COG2: variants seen among roughly 807,000 people sequenced by gnomAD.
The protein encoded by COG2 is conserved oligomeric Golgi complex subunit 2.
In COG2, 52 loss-of-function variants were observed where a neutral mutation model predicts 90.6. The ratio of observed to expected loss-of-function variants is 0.57; its 90% CI spans 0.46 to 0.72. The LOEUF (loss-of-function observed/expected upper bound fraction) is 0.72. COG2 is among the 30% of genes least tolerant of loss of function. The pLI is 0.00. For synonymous variants in COG2, 337 were observed against 320.4 expected (o/e 1.05, Z -0.55); for missense variants, 829 against 891.2 (o/e 0.93, Z 0.89).
At chr1:230,679,078 C>G in intron 10 of COG2, 26 bp downstream of exon 10, 1 of 1,594,802 alleles carries the variant, frequency 6.3e-7, no homozygotes, top group Non-Finnish European at 8.6e-7. Flanking sequence ...ACCGCCCCCG[C>G]CCCGCACCCT....
intron 2 of COG2, 105 bp downstream of exon 2, chr1:230,659,730 C>G: frequency 6.1e-6 from 7 of 1,156,188 alleles, no homozygotes; most frequent in Non-Finnish European, 8.4e-6. Flanking sequence ...TAGTTGATGT[C>G]CTCACAGAAA....
rs574620130 is a variant in COG2 at position 230,690,427 on chromosome 1, T to TG, written c.1934+275dup. 274 of 290,016 alleles carry TG rather than the reference T, an allele frequency of 9.4e-4. 3 individuals carry two copies. The highest frequency in any genetic ancestry group is 5.8e-3 in the African/African-American group (265 of 45,852). The allele number at this position is 290,016 out of a possible 1,614,324, so 18.0% of individuals were successfully genotyped here. ...ATCTCCAGGCCCTGCCTGCGTTCCCTGCAGGTGCCGTTCTCCCAGGTCCAG... is the reference window on the plus strand; with the variant it reads ...ATCTCCAGGCCCTGCCTGCGTTCCCTGGCAGGTGCCGTTCTCCCAGGTCCAG... On this transcript the variant is annotated intron_variant, in intron 16 of 17. Coordinates refer to ENST00000366669, the MANE Select transcript of COG2 (RefSeq NM_007357.3).
At chr1:230,669,256 C>A in intron 6 of COG2, 100 bp from the exon 7 acceptor site, 1 of 1,033,302 alleles carries the variant, frequency 9.7e-7, no homozygotes, top group Non-Finnish European at 1.4e-6. Flanking sequence ...TTATATATGT[C>A]ATTATCTGTT....
At chr1:230,667,843 G>C (rs112184546) in intron 5 of COG2, among the ~76,000 whole-genome samples, 172 of 152,248 alleles carry the variant, frequency 1.1e-3, no homozygotes, top group African/African-American at 4.0e-3. Flanking sequence ...GGATGCCTCA[G>C]TATACACAGC....
intron 1 of COG2, among the ~76,000 whole-genome samples, chr1:230,654,507 T>C (rs1429946346): frequency 6.6e-6 from 1 of 152,244 alleles, no homozygotes; most frequent in Admixed American, 6.5e-5. Context: ...ACTGTTTTGG[T>C]TACTGTAGCC....
chr1:230,668,607 G>A (rs575377568), intron 5 of COG2, 69 bp from the exon 6 acceptor site: 13 of 910,506 alleles, frequency 1.4e-5, no homozygotes, highest in Middle Eastern at 2.2e-4. Context: ...TCACTGCCAG[G>A]CGTGTGATGT....
At chr1:230,669,847 T>G (rs930078190) in intron 7 of COG2, 2 of 244,928 alleles carry the variant, frequency 8.2e-6, no homozygotes, top group Non-Finnish European at 1.6e-5. Context: ...CAGTAATTGT[T>G]AAAAGAATGT....
At chr1:230,662,737 T>C (rs537012183) in intron 3 of COG2, among the ~76,000 whole-genome samples, 313 of 152,342 alleles carry the variant, frequency 2.1e-3, no homozygotes, top group South Asian at 8.7e-3. Context: ...TCCTGAAATA[T>C]GTCATTACTG....
intron 1 of COG2, among the ~76,000 whole-genome samples, chr1:230,649,860 C>T (rs2102742097): frequency 6.6e-6 from 1 of 152,262 alleles, no homozygotes; most frequent in East Asian, 1.9e-4. Flanking sequence ...AATTTTTCAG[C>T]CCTCATCTTC....
chr1:230,644,210 C>T (rs1571937924), intron 1 of COG2, among the ~76,000 whole-genome samples: 1 of 152,270 alleles, frequency 6.6e-6, no homozygotes, highest in Non-Finnish European at 1.5e-5. Flanking sequence ...TTGCATATTT[C>T]GTGGCTCTGT....
At chr1:230,662,095 C>T (rs1571948739) in intron 3 of COG2, among the ~76,000 whole-genome samples, 1 of 152,100 alleles carries the variant, frequency 6.6e-6, no homozygotes, top group Admixed American at 6.5e-5. Context: ...TTCACTCTCC[C>T]GAATTCTGCT....
intron 9 of COG2, among the ~76,000 whole-genome samples, chr1:230,676,864 G>A (rs919688310): frequency 6.6e-5 from 10 of 152,160 alleles, no homozygotes; most frequent in South Asian, 2.1e-4. Flanking sequence ...TAAGTTAGCC[G>A]TTAATTTAAT....
rs113286676 is a variant in COG2, at chr1:230,669,285, T to C, written c.595-71T>C. ...ATCTGTTGGTGTAAGAGGCTTGTTA[T>C]ATATCTACTTGCAGTTTCAGAAACT... On this transcript the variant is annotated intron_variant, in intron 6 of 17. Coordinates refer to ENST00000366669, the MANE Select transcript of COG2 (RefSeq NM_007357.3). 7 of 1,398,104 alleles carry C rather than the reference T, an allele frequency of 5.0e-6. No homozygotes were observed. In the African/African-American group the frequency reaches 8.7e-5, roughly 17 times the overall value. The allele number at this position is 1,398,104 out of a possible 1,614,324, so 86.6% of individuals were successfully genotyped here.
At chr1:230,665,494 G>A (rs190425447) in intron 5 of COG2, among the ~76,000 whole-genome samples, 1 of 152,302 alleles carries the variant, frequency 6.6e-6, no homozygotes, top group East Asian at 1.9e-4. Context: ...GTATTATCAA[G>A]ACAAGTTGGA....
chr1:230,658,118 G>A (rs1388142628), intron 1 of COG2, among the ~76,000 whole-genome samples: 1 of 152,126 alleles, frequency 6.6e-6, no homozygotes, highest in Non-Finnish European at 1.5e-5. Context: ...TGCTGGTGAG[G>A]AGTTGTGATC....
At chr1:230,671,399 A>AG (rs1662444773) in intron 7 of COG2, 117 bp from the exon 8 acceptor site, 1 of 787,672 alleles carries the variant, frequency 1.3e-6, no homozygotes. Context: ...TGTCACAGGG[A>AG]GGAGGGTGAG....
At chr1:230,682,283 C>T (rs568903372) in intron 10 of COG2, 1 of 152,190 alleles carries the variant, frequency 6.6e-6, no homozygotes, top group Non-Finnish European at 1.5e-5. Context: ...AGATTGAGCT[C>T]TAGGTGCTGG....
At chr1:230,666,774 C>T (rs1662331713) in intron 5 of COG2, among the ~76,000 whole-genome samples, 1 of 152,042 alleles carries the variant, frequency 6.6e-6, no homozygotes, top group Non-Finnish European at 1.5e-5. Context: ...AAATCTAGCT[C>T]AAAACATGCT....
Position 230,668,666 on chromosome 1 carries a change from T to A in COG2, c.486-10T>A. 1 of 1,571,122 alleles carries A rather than the reference T, an allele frequency of 6.4e-7. No homozygotes were observed. The highest frequency in any genetic ancestry group is 8.7e-7 in the Non-Finnish European group (1 of 1,144,280). On this transcript the variant is annotated splice_polypyrimidine_tract_variant and intron_variant, in intron 5 of 17. Transcript: ENST00000366669. ...AGGGGTTACACTTCTATAACTGTTT[T>A]CTCTACTAGCCCCCTTTTGACTGGA...
Sources: gnomAD v4.1 joint callset for allele counts (sites outside exome capture counted in the v4.1 genomes callset) on GRCh38, gnomAD v4.1.1 for gene constraint, MANE v1.5 for transcripts, NCBI Gene and HGNC (gene_info 2026-07-23, HGNC 2026-07-21) for gene names.